Variants in CHCHD6 observed in about 807,000 individuals in gnomAD.
CHCHD6 encodes the protein coiled-coil-helix-coiled-coil-helix domain containing 6, also known as MICOS complex subunit MIC25.
A neutral mutation model predicts 32.3 loss-of-function variants in CHCHD6; 28 were observed. That is an observed-to-expected ratio of 0.87 (90% confidence interval 0.64 to 1.19). The LOEUF is 1.19. CHCHD6 is among the 50% of genes most tolerant of loss of function. CHCHD6 has a pLI of 0.00. For missense variants in CHCHD6, 333 were observed against 307.0 expected, an observed-to-expected ratio of 1.08 and a Z score of -0.63; for synonymous variants, 122 against 117.5, an observed-to-expected ratio of 1.04 and a Z score of -0.25.
At chr3:126,957,704 C>A in intron 7 of CHCHD6, 153 bp downstream of exon 7, 1 of 921,230 alleles carries the variant, frequency 1.1e-6, no homozygotes, top group Non-Finnish European at 1.7e-6. Context: ...GGATTCTTCG[C>A]TTTCCTCAGT....
chr3:126,834,888 AAG>A (rs925922743), intron 4 of CHCHD6, among the ~76,000 whole-genome samples: 51 of 152,228 alleles, frequency 3.4e-4, no homozygotes, highest in African/African-American at 1.1e-3. Context: ...GGTATAGAAA[AAG>A]AGACATTTCT....
chr3:126,732,966 G>A lies in CHCHD6; in HGVS notation c.267-112G>A. The stretch of plus-strand genomic sequence containing the variant: ...TCTCTCCTTTCCTGACCAGCCGCTG[G>A]CTGGTTTCAGCATTTCCCTGGTGGC... On this transcript the variant is annotated intron_variant, in intron 3 of 7. Coordinates refer to ENST00000290913, the MANE Select transcript of CHCHD6 (RefSeq NM_032343.3). The A allele has an allele frequency of 2.5e-6, 3 of 1,204,360 alleles. No individual in the cohort carries two copies. The African/African-American group carries it at 4.5e-5, about 18-fold the overall frequency. 74.6% of individuals were successfully genotyped at this position (1,204,360 alleles called of 1,614,324 possible). A position where few individuals can be genotyped will look rare whatever the true frequency, so the allele number is the denominator to read the frequency against.
rs534534307 is a variant in CHCHD6 at position 126,781,223 on chromosome 3, G to A, written c.411+48001G>A. ...TTTAGAGGGGAGTGGCTGCTAGGGC[G>A]CCAATGAACAGTGTCTACCCCAGGA... On this transcript the variant is annotated intron_variant, in intron 4 of 7. Transcript: ENST00000290913. 9.2e-5 allele frequency among the ~76,000 whole-genome samples: 14 copies of A among 152,276 alleles called. No individual in the cohort carries two copies. The South Asian group carries it at 2.3e-3, about 25-fold the overall frequency.
chr3:126,853,928 A>C (rs930457713), intron 5 of CHCHD6, among the ~76,000 whole-genome samples: 1 of 152,176 alleles, frequency 6.6e-6, no homozygotes, highest in African/African-American at 2.4e-5. Flanking sequence ...GTTCATAGGC[A>C]CAGGGTTTTG....
intron 4 of CHCHD6, among the ~76,000 whole-genome samples, chr3:126,743,123 C>T (rs571064038): frequency 3.7e-4 from 56 of 152,218 alleles, no homozygotes; most frequent in East Asian, 2.7e-3. Context: ...GTGGACTCCT[C>T]CTCTTTAAAG....
intron 6 of CHCHD6, among the ~76,000 whole-genome samples, chr3:126,931,790 C>A (rs1225048530): frequency 1.3e-5 from 2 of 152,134 alleles, no homozygotes; most frequent in Non-Finnish European, 2.9e-5. Context: ...TCCAAAATAC[C>A]AGCTTACAGG....
At chr3:126,846,782 G>C (rs1941309915) in intron 4 of CHCHD6, among the ~76,000 whole-genome samples, 2 of 152,116 alleles carry the variant, frequency 1.3e-5, no homozygotes, top group Admixed American at 1.3e-4. Flanking sequence ...TCTGGTTCCA[G>C]TATTTTATCT....
At chr3:126,762,923 C>G (rs1411754613) in intron 4 of CHCHD6, among the ~76,000 whole-genome samples, 3 of 152,108 alleles carry the variant, frequency 2.0e-5, no homozygotes, top group Admixed American at 1.3e-4. Flanking sequence ...CAGTTCCAAC[C>G]TATGTGCCTT....
At chr3:126,945,497 G>T (rs1245191265) in intron 6 of CHCHD6, among the ~76,000 whole-genome samples, 1 of 150,172 alleles carries the variant, frequency 6.7e-6, no homozygotes, top group Admixed American at 6.6e-5. Context: ...CTCTAGGTGG[G>T]AGACTCAGGG....
intron 4 of CHCHD6, among the ~76,000 whole-genome samples, chr3:126,774,917 C>T (rs1289733982): frequency 6.6e-6 from 1 of 152,170 alleles, no homozygotes; most frequent in East Asian, 1.9e-4. Context: ...TTCCCATTGG[C>T]ATCCCCTCCA....
At chr3:126,876,704 G>A (rs974510618) in intron 5 of CHCHD6, among the ~76,000 whole-genome samples, 5 of 152,184 alleles carry the variant, frequency 3.3e-5, no homozygotes, top group African/African-American at 1.2e-4. Context: ...ATGTGTGAAT[G>A]TCGCATCACA....
intron 5 of CHCHD6, among the ~76,000 whole-genome samples, chr3:126,868,724 A>G (rs2077423546): frequency 6.6e-6 from 1 of 152,216 alleles, no homozygotes; most frequent in African/African-American, 2.4e-5. Flanking sequence ...CTTTTTCCAC[A>G]TCAAATCTAT....
chr3:126,767,391 C>T (rs1331926104), intron 4 of CHCHD6: 21 of 757,556 alleles, frequency 2.8e-5, no homozygotes, highest in South Asian at 6.8e-5. Context: ...CTGAGGCCCT[C>T]GATGAGTCTG....
chr3:126,942,987 C>T (rs1004921840), intron 6 of CHCHD6, among the ~76,000 whole-genome samples: 4 of 152,196 alleles, frequency 2.6e-5, no homozygotes, highest in Non-Finnish European at 4.4e-5. Flanking sequence ...AGGGCTCTCT[C>T]TCTCTCCTTT....
At chr3:126,941,047 A>AT (rs756704533) in intron 6 of CHCHD6, among the ~76,000 whole-genome samples, 10 of 152,208 alleles carry the variant, frequency 6.6e-5, no homozygotes, top group African/African-American at 1.4e-4. Flanking sequence ...TTTGTTGCCA[A>AT]TTTTTCTATT....
chr3:126,932,505 C>A (rs1044269057), intron 6 of CHCHD6, among the ~76,000 whole-genome samples: 1 of 152,204 alleles, frequency 6.6e-6, no homozygotes, highest in Non-Finnish European at 1.5e-5. Flanking sequence ...GTTACTTTTT[C>A]CTCTGGTGAG....
At chr3:126,896,914 C>G (rs1000558978) in intron 5 of CHCHD6, among the ~76,000 whole-genome samples, 2 of 152,324 alleles carry the variant, frequency 1.3e-5, no homozygotes, top group East Asian at 3.9e-4. Context: ...CAGGCCCTTG[C>G]TTTCCTGCAT....
chr3:126,892,489 C>G (rs990167016), intron 5 of CHCHD6, among the ~76,000 whole-genome samples: 6 of 152,170 alleles, frequency 3.9e-5, no homozygotes, highest in Admixed American at 2.0e-4. Flanking sequence ...CTTTCTTTGC[C>G]TACAACCCTG....
chr3:126,921,499 G>A (rs2078246138), intron 6 of CHCHD6, among the ~76,000 whole-genome samples: 1 of 93,998 alleles, frequency 1.1e-5, no homozygotes, highest in South Asian at 3.3e-4. Flanking sequence ...TATTTTTTAT[G>A]ACAACCTTCA....
Sources: allele counts gnomAD v4.1 joint callset (sites outside exome capture counted in the v4.1 genomes callset), GRCh38; gene constraint gnomAD v4.1.1; transcripts MANE v1.5; gene names NCBI Gene and HGNC (gene_info 2026-07-23, HGNC 2026-07-21).